Variants in CDH13 observed in about 807,000 individuals in gnomAD.
CDH13 encodes the protein cadherin 13, also known as cadherin-13.
In CDH13, 24 loss-of-function variants were observed where a neutral mutation model predicts 63.8. The ratio of observed to expected loss-of-function variants is 0.38; its 90% CI spans 0.27 to 0.53. The LOEUF (loss-of-function observed/expected upper bound fraction) is 0.53, where lower values mean the gene tolerates loss of function less well. Among genes scored for constraint, CDH13 ranks in the 20% least tolerant of loss-of-function variants. CDH13 has a pLI of 0.85. For synonymous variants in CDH13, 503 were observed against 355.3 expected, an observed-to-expected ratio of 1.42 and a Z score of -4.67; for missense variants, 1,049 against 903.1, an observed-to-expected ratio of 1.16 and a Z score of -2.07.
chr16:83,080,770 T>A (rs1184182318), intron 3 of CDH13, among the ~76,000 whole-genome samples: 1 of 152,054 alleles, frequency 6.6e-6, no homozygotes, highest in Non-Finnish European at 1.5e-5. Flanking sequence ...GGAAGATTAT[T>A]ACATGAATAG....
In CDH13 at chr16:83,691,784, C is replaced by G. The variant is rs139870741; in HGVS notation, c.1538+13323C>G. On this transcript the variant is annotated intron_variant, in intron 10 of 13. Coordinates refer to ENST00000567109, the MANE Select transcript of CDH13 (RefSeq NM_001257.5). The stretch of plus-strand genomic sequence containing the variant: ...CTCCTGTCTTCTTTCACTAGCATGT[C>G]TGATCCACTTCCCTAACACAGCCAG... 2.6e-5 allele frequency among the ~76,000 whole-genome samples: 4 copies of G among 152,294 alleles called. No homozygotes were observed. The East Asian group carries it at 5.8e-4, about 22-fold the overall frequency.
At chr16:82,861,838 C>G (rs963307984) in intron 2 of CDH13, among the ~76,000 whole-genome samples, 1 of 152,212 alleles carries the variant, frequency 6.6e-6, no homozygotes, top group Non-Finnish European at 1.5e-5. Context: ...GCTATTTCTT[C>G]TAACGTAACC....
intron 3 of CDH13, among the ~76,000 whole-genome samples, chr16:83,058,518 T>C (rs1249639264): frequency 1.3e-5 from 2 of 152,192 alleles, no homozygotes; most frequent in Non-Finnish European, 2.9e-5. Context: ...ACAAATGCTC[T>C]TGTCCAAATT....
At chr16:83,340,920 C>T (rs962780984) in intron 5 of CDH13, among the ~76,000 whole-genome samples, 1 of 152,098 alleles carries the variant, frequency 6.6e-6, no homozygotes, top group African/African-American at 2.4e-5. Flanking sequence ...TGCAGGTCAA[C>T]CATTGAATCT....
At chr16:82,806,981 G>A (rs932327928) in intron 1 of CDH13, among the ~76,000 whole-genome samples, 1 of 152,094 alleles carries the variant, frequency 6.6e-6, no homozygotes, top group Non-Finnish European at 1.5e-5. Context: ...ACTATGGGTA[G>A]CAAAGGAAGC....
intron 1 of CDH13, among the ~76,000 whole-genome samples, chr16:82,679,307 C>G (rs535280754): frequency 6.6e-6 from 1 of 152,198 alleles, no homozygotes; most frequent in African/African-American, 2.4e-5. Context: ...ACCTGGGAAG[C>G]TGTCTGATCA....
At chr16:83,456,152 A>C (rs1417298708) in intron 6 of CDH13, among the ~76,000 whole-genome samples, 1 of 152,238 alleles carries the variant, frequency 6.6e-6, no homozygotes, top group Admixed American at 6.5e-5. Context: ...TGTGCCAGGC[A>C]CCACGAGCCT....
intron 2 of CDH13, among the ~76,000 whole-genome samples, chr16:82,957,726 C>G (rs147316150): frequency 2.0e-5 from 3 of 152,132 alleles, no homozygotes; most frequent in Admixed American, 6.5e-5. Context: ...TATTTTCCCA[C>G]AAGGATGTTA....
chr16:83,779,405 T>TA (rs1174439191), intron 11 of CDH13, among the ~76,000 whole-genome samples: 4,160 of 67,732 alleles, frequency 0.061, 1,488 homozygotes, highest in Admixed American at 0.12. Flanking sequence ...AGACTCCATC[T>TA]CAAAAAAAAA....
At position 83,047,277 on chromosome 16, in the gene CDH13, G is replaced by A. The variant is rs1303391829; in HGVS notation, c.366+15059G>A. Among the ~76,000 whole-genome samples, 1 of 152,124 alleles carries A rather than the reference G, an allele frequency of 6.6e-6. No homozygotes were observed. The highest frequency in any genetic ancestry group is 1.5e-5 in the Non-Finnish European group (1 of 68,026). ...TATTTTTTTGGTAAAGGCCTCTGCT[G>A]TGAATTTAAGTCATCTAATCAAAAT... On this transcript the variant is annotated intron_variant, in intron 3 of 13. Coordinates refer to ENST00000567109, the MANE Select transcript of CDH13 (RefSeq NM_001257.5). The surrounding 1 kb of genome is among the most constrained non-coding windows in gnomAD (Gnocchi z 4.9).
intron 1 of CDH13, among the ~76,000 whole-genome samples, chr16:82,680,545 A>G (rs1006485166): frequency 6.6e-6 from 1 of 152,148 alleles, no homozygotes; most frequent in Admixed American, 6.5e-5. Context: ...AGTTATGAAT[A>G]TATATACTCC....
chr16:82,811,342 A>G (rs1027235770), intron 1 of CDH13, among the ~76,000 whole-genome samples: 3 of 152,186 alleles, frequency 2.0e-5, no homozygotes, highest in African/African-American at 7.2e-5. Flanking sequence ...AGCACTGTGT[A>G]TATACTTATG....
At chr16:83,165,698 G>C (rs1464109555) in intron 4 of CDH13, among the ~76,000 whole-genome samples, 1 of 152,144 alleles carries the variant, frequency 6.6e-6, no homozygotes, top group Non-Finnish European at 1.5e-5. Flanking sequence ...GATGGAGGTA[G>C]AGCTAGTTTC....
At chr16:83,225,541 G>A (rs1243346370) in intron 5 of CDH13, among the ~76,000 whole-genome samples, 2 of 152,190 alleles carry the variant, frequency 1.3e-5, no homozygotes, top group East Asian at 3.8e-4. Flanking sequence ...GATTGGAGTT[G>A]GAACAGGCTG....
intron 3 of CDH13, among the ~76,000 whole-genome samples, chr16:83,060,529 T>C (rs1176956195): frequency 2.0e-5 from 3 of 152,176 alleles, no homozygotes; most frequent in African/African-American, 7.2e-5. Flanking sequence ...TCATATTGCC[T>C]AATTCATAAA....
rs941930621 is a variant in CDH13, at chr16:82,633,435, G to A, written c.45+6298G>A. Among the ~76,000 whole-genome samples, 5 of 152,298 alleles carry A rather than the reference G, an allele frequency of 3.3e-5. No individual in the cohort carries two copies. In the East Asian group the frequency reaches 5.8e-4, roughly 18 times the overall value. On this transcript the variant is annotated intron_variant, in intron 1 of 13. Transcript: ENST00000567109. Reference sequence around the variant, plus strand: ...TGCTTTGTCACCCAAGCCGGAGTGCGGTGGCGCGATGTCGGCTCACTGCAA... The same window carrying A: ...TGCTTTGTCACCCAAGCCGGAGTGCAGTGGCGCGATGTCGGCTCACTGCAA...
At chr16:83,431,327 G>C (rs1232416988) in intron 6 of CDH13, among the ~76,000 whole-genome samples, 3 of 151,884 alleles carry the variant, frequency 2.0e-5, no homozygotes, top group Non-Finnish European at 4.4e-5. Context: ...GCGTTGAGGA[G>C]ACAACCATAG....
intron 8 of CDH13, among the ~76,000 whole-genome samples, chr16:83,626,318 G>A (rs906607659): frequency 4.6e-5 from 7 of 152,184 alleles, no homozygotes. Flanking sequence ...ACGTGTTGAT[G>A]AGACACACAC....
chr16:83,461,646 C>G (rs1458445413), intron 6 of CDH13, among the ~76,000 whole-genome samples: 1 of 152,200 alleles, frequency 6.6e-6, no homozygotes, highest in African/African-American at 2.4e-5. Flanking sequence ...GAGTGATCAT[C>G]CTGCAACAGC....
Sources: allele counts gnomAD v4.1 joint callset (sites outside exome capture counted in the v4.1 genomes callset), GRCh38; gene constraint gnomAD v4.1.1; non-coding constraint Gnocchi (gnomAD v3.1); transcripts MANE v1.5; gene names NCBI Gene and HGNC (gene_info 2026-07-23, HGNC 2026-07-21).